EIF2AK3: variants seen among roughly 807,000 people sequenced by gnomAD.
The protein encoded by EIF2AK3 is eukaryotic translation initiation factor 2 alpha kinase 3.
EIF2AK3 carries 50 observed loss-of-function variants against 113.5 expected under a neutral mutation model. The observed-to-expected ratio is 0.44, with a 90% CI of 0.35 to 0.56. The LOEUF is 0.56. EIF2AK3 is among the 20% of genes least tolerant of loss of function. EIF2AK3 has a pLI of 0.00. For missense variants in EIF2AK3, 1,185 were observed against 1,378.0 expected (o/e 0.86, Z 2.22); for synonymous variants, 448 against 495.4 (o/e 0.90, Z 1.27).
chr2:88,586,498 G>A (rs1335062972), intron 8 of EIF2AK3, among the ~76,000 whole-genome samples: 1 of 151,772 alleles, frequency 6.6e-6, no homozygotes, highest in East Asian at 1.9e-4. Context: ...TTCAGTTTAG[G>A]CTGTCAAAAT....
intron 14 of EIF2AK3, among the ~76,000 whole-genome samples, chr2:88,570,259 G>A (rs757277813): frequency 1.2e-4 from 19 of 152,134 alleles, no homozygotes; most frequent in Non-Finnish European, 2.5e-4. Flanking sequence ...AGCCCAAAAC[G>A]TCCGAGACCC....
At position 88,575,267 on chromosome 2, in the gene EIF2AK3, G is replaced by T; in HGVS notation, c.2216C>A (p.Ser739Ter). The T allele has an allele frequency of 6.2e-7, 1 of 1,614,126 alleles. No individual in the cohort carries two copies. Among genetic ancestry groups the T allele is most frequent in the South Asian group, 1.1e-5 (1 of 91,090 alleles). Residue 739 changes from serine (S) to a stop codon, truncating the protein, a stop_gained, in exon 13 of 17, where the codon TCA (serine) becomes TAA (stop). Coordinates refer to ENST00000303236, the MANE Select transcript of EIF2AK3 (RefSeq NM_004836.7). LOFTEE classifies it high-confidence loss of function. ...DQTSSSESQF[S>*]PLEFSGMDHE... The stretch of plus-strand genomic sequence containing the variant: ...GTCCATTCCTGAGAATTCCAGTGGT[G>T]AGAACTGGCTCTCAGATGAACTTGT...
chr2:88,563,816 A>G (rs1448992918), intron 14 of EIF2AK3, among the ~76,000 whole-genome samples: 2 of 152,208 alleles, frequency 1.3e-5, no homozygotes, highest in East Asian at 3.8e-4. Flanking sequence ...TAGAATTCCA[A>G]TTTTATTTTC....
At chr2:88,577,796 G>A (rs1186627813) in intron 11 of EIF2AK3, among the ~76,000 whole-genome samples, 1 of 152,012 alleles carries the variant, frequency 6.6e-6, no homozygotes, top group South Asian at 2.1e-4. Context: ...GCCTTTGCTC[G>A]GGCCATTTCA....
chr2:88,574,034 T>C (rs1674386074), intron 13 of EIF2AK3, among the ~76,000 whole-genome samples: 2 of 152,222 alleles, frequency 1.3e-5, no homozygotes, highest in African/African-American at 4.8e-5. Context: ...ATTATATTAC[T>C]GCAAAATTCA....
chr2:88,569,188 G>A (rs1674222864), intron 14 of EIF2AK3, among the ~76,000 whole-genome samples: 1 of 152,078 alleles, frequency 6.6e-6, no homozygotes, highest in Non-Finnish European at 1.5e-5. Context: ...ACTGCGACTG[G>A]CCGAGGGACA....
At position 88,609,065 on chromosome 2, in the gene EIF2AK3, T is replaced by C. The variant is rs566062293; in HGVS notation, c.438+4659A>G. On this transcript the variant is annotated intron_variant, in intron 2 of 16. Transcript: ENST00000303236. Reference sequence around the variant, plus strand: ...ATCCTTTTGTGGTGTTTTGTCCAACTTTTTTTTTTTCTAAATCTGAACTGG... The same window carrying C: ...ATCCTTTTGTGGTGTTTTGTCCAACCTTTTTTTTTTCTAAATCTGAACTGG... 5.5e-5 allele frequency among the ~76,000 whole-genome samples: 8 copies of C among 146,766 alleles called. No individual in the cohort carries two copies. The South Asian group carries it at 1.3e-3, about 24-fold the overall frequency.
chr2:88,562,379 G>C lies in EIF2AK3; in HGVS notation c.2997C>G (p.Asn999Lys). The change falls in exon 15 of 17, where the codon AAC (asparagine) becomes AAG (lysine). Residue 999 changes from asparagine to lysine, a missense_variant. Asn to Lys is a moderately conservative substitution (Grantham distance 94, BLOSUM62 0). Coordinates refer to ENST00000303236, the MANE Select transcript of EIF2AK3 (RefSeq NM_004836.7). ...LYMSPEQIHG[N>K]SYSHKVDIFS... ...AGATGTCCACTTTATGAGAATAGCTGTTTCCATGAATCTGAAATCCCACAT... is the reference window on the plus strand; with the variant it reads ...AGATGTCCACTTTATGAGAATAGCTCTTTCCATGAATCTGAAATCCCACAT... 1 of 1,613,564 alleles carries C rather than the reference G, an allele frequency of 6.2e-7. No homozygotes were observed.
At chr2:88,605,824 C>T (rs1675257029) in intron 2 of EIF2AK3, among the ~76,000 whole-genome samples, 3 of 151,776 alleles carry the variant, frequency 2.0e-5, no homozygotes, top group Admixed American at 2.0e-4. Flanking sequence ...TTTTACTTCC[C>T]TGGAAACATT....
intron 1 of EIF2AK3, among the ~76,000 whole-genome samples, chr2:88,623,738 G>T (rs529520716): frequency 2.0e-5 from 3 of 152,030 alleles, no homozygotes; most frequent in African/African-American, 4.8e-5. Context: ...TATAAACTGC[G>T]TATTTATCTC....
In EIF2AK3 at chr2:88,627,062, A is replaced by G. The variant is rs1166592292; in HGVS notation, c.213T>C (p.Thr71=). Residue 71 remains threonine (T), a synonymous_variant, in exon 1 of 17, where the codon ACT becomes ACC. Transcript: ENST00000303236. ...AAGAVAAAEV[T]VEDAEALPAA... ...CCGGCAGCGCCTCAGCGTCCTCCAC[A>G]GTCACCTCGGCCGCAGCCACGGCGC... 3.1e-6 allele frequency: 5 copies of G among 1,587,866 alleles called. No homozygotes were observed. Among genetic ancestry groups the G allele is most frequent in the Middle Eastern group, 1.8e-4 (1 of 5,458 alleles).
chr2:88,580,430 C>A (rs1343448432), intron 10 of EIF2AK3, among the ~76,000 whole-genome samples: 1 of 152,170 alleles, frequency 6.6e-6, no homozygotes, highest in African/African-American at 2.4e-5. Context: ...CTTTCTTAGA[C>A]CCCTGTCTTG....
chr2:88,596,655 C>A (rs1031068729), intron 2 of EIF2AK3, among the ~76,000 whole-genome samples: 1 of 152,080 alleles, frequency 6.6e-6, no homozygotes, highest in Admixed American at 6.6e-5. Context: ...GCATACCCAT[C>A]ATGTTTGAAA....
intron 10 of EIF2AK3, among the ~76,000 whole-genome samples, chr2:88,582,032 GCAT>G (rs1263346975): frequency 2.6e-5 from 4 of 152,112 alleles, no homozygotes; most frequent in African/African-American, 9.7e-5. Context: ...AATGCGAGTG[GCAT>G]CACCCACCAT....
At chr2:88,594,830 T>A (rs1338251480) in intron 3 of EIF2AK3, among the ~76,000 whole-genome samples, 166 of 114,950 alleles carry the variant, frequency 1.4e-3, no homozygotes, top group Non-Finnish European at 1.8e-3. Context: ...TGTCAAAATG[T>A]AAAAAAAAAA....
intron 2 of EIF2AK3, among the ~76,000 whole-genome samples, chr2:88,606,169 A>T (rs2104458238): frequency 6.6e-6 from 1 of 152,308 alleles, no homozygotes; most frequent in East Asian, 1.9e-4. Flanking sequence ...AAGGGAAACT[A>T]CCAGACTAGC....
At chr2:88,622,672 CTGTT>C (rs1675755918) in intron 1 of EIF2AK3, among the ~76,000 whole-genome samples, 1 of 152,152 alleles carries the variant, frequency 6.6e-6, no homozygotes, top group Admixed American at 6.5e-5. Flanking sequence ...TTAAAGGTGA[CTGTT>C]AGTTAACTTT....
chr2:88,580,687 T>C (rs1674577107), intron 10 of EIF2AK3, among the ~76,000 whole-genome samples: 1 of 152,172 alleles, frequency 6.6e-6, no homozygotes, highest in East Asian at 1.9e-4. Flanking sequence ...ATGTCTGATA[T>C]CCCTTATAAG....
chr2:88,614,870 G>A (rs1339521231), intron 1 of EIF2AK3, among the ~76,000 whole-genome samples: 2 of 152,140 alleles, frequency 1.3e-5, no homozygotes, highest in African/African-American at 2.4e-5. Flanking sequence ...GCAGTTGAAC[G>A]TATCTGAAGA....
Sources: allele counts gnomAD v4.1 joint callset (sites outside exome capture counted in the v4.1 genomes callset), GRCh38; gene constraint gnomAD v4.1.1; transcripts MANE v1.5; gene names NCBI Gene and HGNC (gene_info 2026-07-23, HGNC 2026-07-21).